CNBD1: variants seen among roughly 807,000 people sequenced by gnomAD.
CNBD1 encodes cyclic nucleotide-binding domain-containing protein 1.
CNBD1 carries 71 observed loss-of-function variants against 54.4 expected under a neutral mutation model. The ratio of observed to expected loss-of-function variants is 1.30; its 90% confidence interval spans 1.08 to 1.59. The LOEUF is 1.59. Ranked by LOEUF, CNBD1 falls within the 40% of genes most tolerant of loss-of-function variation. The pLI is 0.00. For synonymous variants in CNBD1, 182 were observed against 170.7 expected (o/e 1.07, Z -0.51); for missense variants, 659 against 518.0 (o/e 1.27, Z -2.64).
At chr8:87,091,243 C>T (rs1244297185) in intron 4 of CNBD1, among the ~76,000 whole-genome samples, 1 of 152,040 alleles carries the variant, frequency 6.6e-6, no homozygotes, top group African/African-American at 2.4e-5. Flanking sequence ...GCCAATATGC[C>T]CAGTCCTGTA....
intron 4 of CNBD1, among the ~76,000 whole-genome samples, chr8:87,170,362 A>G (rs113870923): frequency 3.3e-5 from 5 of 152,278 alleles, no homozygotes; most frequent in African/African-American, 1.2e-4. Context: ...ATCATCTGCA[A>G]ACAAAGATAA....
intron 2 of CNBD1, among the ~76,000 whole-genome samples, chr8:86,894,163 G>A (rs71502665): frequency 0.076 from 10,242 of 135,388 alleles, 372 homozygotes; most frequent in South Asian, 0.1. Context: ...CCGGGTTCAC[G>A]CCATTCTCCT....
At chr8:86,981,025 A>G (rs1403856724) in intron 4 of CNBD1, among the ~76,000 whole-genome samples, 1 of 152,318 alleles carries the variant, frequency 6.6e-6, no homozygotes. Flanking sequence ...GGTTATAGCA[A>G]TTTGGTTGGA....
intron 8 of CNBD1, among the ~76,000 whole-genome samples, chr8:87,310,763 A>G (rs913234836): frequency 5.9e-5 from 9 of 152,176 alleles, no homozygotes; most frequent in African/African-American, 1.7e-4. Context: ...CCAAAACAGC[A>G]TGGAACTGTA....
At chr8:87,014,998 T>G (rs1225232968) in intron 4 of CNBD1, among the ~76,000 whole-genome samples, 1 of 152,184 alleles carries the variant, frequency 6.6e-6, no homozygotes, top group Non-Finnish European at 1.5e-5. Flanking sequence ...TTGTGAATGA[T>G]CTATGTAAGT....
intron 4 of CNBD1, among the ~76,000 whole-genome samples, chr8:87,093,298 A>G (rs955788639): frequency 6.6e-6 from 1 of 152,070 alleles, no homozygotes; most frequent in African/African-American, 2.4e-5. Flanking sequence ...GCTGATGAAC[A>G]TTACCTGCTA....
chr8:87,353,839 T>C, intron 10 of CNBD1, 53 bp downstream of exon 10: 1 of 1,335,548 alleles, frequency 7.5e-7, no homozygotes, highest in Non-Finnish European at 1.0e-6. Context: ...GATGAGTTCT[T>C]AAATTTTTTA....
chr8:87,301,081 A>G (rs1808978530), intron 8 of CNBD1, among the ~76,000 whole-genome samples: 1 of 152,176 alleles, frequency 6.6e-6, no homozygotes, highest in African/African-American at 2.4e-5. Context: ...CTTTACATAC[A>G]TAAACTAGAA....
At chr8:87,311,261 CA>C (rs547992892) in intron 8 of CNBD1, among the ~76,000 whole-genome samples, 1 of 151,696 alleles carries the variant, frequency 6.6e-6, no homozygotes, top group African/African-American at 2.4e-5. Context: ...AAGCAAAAAA[CA>C]AAAAAACTCA....
At chr8:87,234,871 G>C (rs1013964972) in intron 5 of CNBD1, among the ~76,000 whole-genome samples, 2 of 152,166 alleles carry the variant, frequency 1.3e-5, no homozygotes, top group African/African-American at 4.8e-5. Context: ...AAAAGTACTA[G>C]ATGGCATCTT....
At chr8:87,137,469 T>C (rs1812279969) in intron 4 of CNBD1, among the ~76,000 whole-genome samples, 1 of 151,930 alleles carries the variant, frequency 6.6e-6, no homozygotes, top group East Asian at 1.9e-4. Flanking sequence ...CCCAAAGTGC[T>C]GGGATTACAG....
intron 10 of CNBD1, among the ~76,000 whole-genome samples, chr8:87,380,606 G>C (rs1183162012): frequency 1.3e-5 from 2 of 152,004 alleles, no homozygotes; most frequent in Middle Eastern, 3.4e-3. Context: ...GGTCTCATTG[G>C]GTAATAGGGA....
rs116587214 is a variant in CNBD1 at position 87,408,044 on chromosome 8, C to T, written c.214-20502C>T. Among the ~76,000 whole-genome samples, 435 of 151,968 alleles carry T rather than the reference C, an allele frequency of 2.9e-3. 2 individuals are homozygous for T. The highest frequency in any genetic ancestry group is 0.01 in the African/African-American group (423 of 41,494). ...TTTTGTCCTTTTAGAAATTTCTGTT[C>T]ACTCCATTGTTTTCAAGATAACTTT... On this transcript the variant is annotated intron_variant, in intron 2 of 7. Transcript: ENST00000521593.
chr8:86,905,973 T>G (rs1295689783), intron 3 of CNBD1, among the ~76,000 whole-genome samples: 1 of 152,220 alleles, frequency 6.6e-6, no homozygotes, highest in Admixed American at 6.5e-5. Flanking sequence ...GCTACCCCAC[T>G]GCCATACTCC....
intron 6 of CNBD1, among the ~76,000 whole-genome samples, chr8:87,267,177 T>G (rs1190299294): frequency 6.6e-6 from 1 of 152,050 alleles, no homozygotes. Context: ...ATAATGAAAA[T>G]TACAAAATAT....
intron 4 of CNBD1, among the ~76,000 whole-genome samples, chr8:87,014,448 T>A (rs1472291378): frequency 6.6e-6 from 1 of 152,060 alleles, no homozygotes; most frequent in East Asian, 1.9e-4. Flanking sequence ...GCATACTGAG[T>A]TATTGGTATA....
At chr8:87,377,879 C>A (rs62526825) in intron 10 of CNBD1, among the ~76,000 whole-genome samples, 1 of 151,350 alleles carries the variant, frequency 6.6e-6, no homozygotes, top group Non-Finnish European at 1.5e-5. Context: ...ACTGTGGTTT[C>A]GATTTGCATT....
Position 87,407,631 on chromosome 8 carries a change from C to T in CNBD1, c.214-20915C>T, listed in dbSNP as rs577470485. 6.6e-5 allele frequency among the ~76,000 whole-genome samples: 10 copies of T among 152,042 alleles called. No homozygotes were observed. In the South Asian group the frequency reaches 1.2e-3, roughly 19 times the overall value. ...CTTCAACCATCTGTTTATAAAAATTCCTGTTGCTTTCAATCCTTGTCAGCT... is the reference window on the plus strand; with the variant it reads ...CTTCAACCATCTGTTTATAAAAATTTCTGTTGCTTTCAATCCTTGTCAGCT... On this transcript the variant is annotated intron_variant, in intron 2 of 7. Transcript: ENST00000521593.
intron 4 of CNBD1, among the ~76,000 whole-genome samples, chr8:87,022,193 C>CG (rs1251751472): frequency 6.6e-6 from 1 of 152,100 alleles, no homozygotes; most frequent in Non-Finnish European, 1.5e-5. Context: ...AAGGAAGCAA[C>CG]GGGCAACACA....
Sources: gnomAD v4.1 joint callset for allele counts (sites outside exome capture counted in the v4.1 genomes callset) on GRCh38, gnomAD v4.1.1 for gene constraint, MANE v1.5 for transcripts, NCBI Gene and HGNC (gene_info 2026-07-23, HGNC 2026-07-21) for gene names.